Variants in BRINP1 observed in about 807,000 individuals in gnomAD.
The protein encoded by BRINP1 is BMP/retinoic acid inducible neural specific 1, also known as BMP/retinoic acid-inducible neural-specific protein 1.
In BRINP1, 17 loss-of-function variants were observed where a neutral mutation model predicts 72.9. The ratio of observed to expected loss-of-function variants is 0.23; its 90% confidence interval spans 0.16 to 0.35. BRINP1 has a LOEUF of 0.35. Ranked by LOEUF, BRINP1 falls within the 10% of genes least tolerant of loss-of-function variation. The pLI is 1.00. For synonymous variants in BRINP1, 418 were observed against 378.5 expected (o/e 1.10, Z -1.21); for missense variants, 850 against 1,001.6 (o/e 0.85, Z 2.04).
intron 7 of BRINP1, among the ~76,000 whole-genome samples, chr9:119,191,423 G>T (rs948909472): frequency 6.6e-5 from 10 of 151,722 alleles, no homozygotes; most frequent in African/African-American, 2.4e-4. Context: ...TAGAATAAAT[G>T]CATTAAATAA....
chr9:119,250,966 G>C (rs559121512), intron 2 of BRINP1, among the ~76,000 whole-genome samples: 5 of 152,292 alleles, frequency 3.3e-5, no homozygotes, highest in African/African-American at 1.2e-4. Context: ...AGAACAGTGG[G>C]GGTATCTGGC....
intron 2 of BRINP1, among the ~76,000 whole-genome samples, chr9:119,268,502 A>G (rs1830576951): frequency 6.6e-6 from 1 of 152,104 alleles, no homozygotes; most frequent in Non-Finnish European, 1.5e-5. Context: ...TAAGATCTCT[A>G]CCATGCTGCC....
At chr9:119,288,494 T>G (rs1830789766) in intron 2 of BRINP1, among the ~76,000 whole-genome samples, 2 of 151,438 alleles carry the variant, frequency 1.3e-5, no homozygotes, top group East Asian at 3.9e-4. Flanking sequence ...TGAGAAAGAG[T>G]GGGAAAGAGT....
intron 7 of BRINP1, among the ~76,000 whole-genome samples, chr9:119,169,994 C>CAAAG (rs917531154): frequency 5.9e-5 from 9 of 152,162 alleles, no homozygotes; most frequent in South Asian, 2.1e-4. Flanking sequence ...TCACCATCAT[C>CAAAG]AAAGACCAAA....
chr9:119,305,855 A>G (rs1386219031), intron 2 of BRINP1, among the ~76,000 whole-genome samples: 1 of 152,202 alleles, frequency 6.6e-6, no homozygotes, highest in African/African-American at 2.4e-5. Context: ...CCCAGGAAAC[A>G]GTGCAGGGCC....
In BRINP1 at chr9:119,307,099, G is replaced by T. The variant is rs528212333; in HGVS notation, c.218+6039C>A. Among the ~76,000 whole-genome samples, 60 of 151,516 alleles carry T rather than the reference G, an allele frequency of 4.0e-4. 1 individual carries two copies. The South Asian group carries it at 7.5e-3, about 19-fold the overall frequency. ...GCTGGAGAAGGCTATCCTATGCATTGTAAGGTATTTAGCGGCATCCCAGAT... is the reference window on the plus strand; with the variant it reads ...GCTGGAGAAGGCTATCCTATGCATTTTAAGGTATTTAGCGGCATCCCAGAT... On this transcript the variant is annotated intron_variant, in intron 2 of 7. Coordinates refer to ENST00000265922, the MANE Select transcript of BRINP1 (RefSeq NM_014618.3).
At chr9:119,275,227 T>C (rs1459718430) in intron 2 of BRINP1, among the ~76,000 whole-genome samples, 1 of 152,204 alleles carries the variant, frequency 6.6e-6, no homozygotes, top group Non-Finnish European at 1.5e-5. Flanking sequence ...TAAAAGCCCA[T>C]GTTCAAATGA....
chr9:119,234,110 T>C (rs1830171410), intron 5 of BRINP1, among the ~76,000 whole-genome samples: 1 of 152,318 alleles, frequency 6.6e-6, no homozygotes, highest in African/African-American at 2.4e-5. Context: ...TGAACATTTA[T>C]GTCTTCTGGT....
At chr9:119,313,002 CA>C (rs1389262290) in intron 2 of BRINP1, 135 bp downstream of exon 2, 1 of 1,001,810 alleles carries the variant, frequency 1.0e-6, no homozygotes, top group Non-Finnish European at 1.4e-6. Context: ...AAAAATTAAT[CA>C]AAAACAGCTT....
chr9:119,183,676 ATAT>A (rs1391786636), intron 7 of BRINP1, among the ~76,000 whole-genome samples: 1 of 152,236 alleles, frequency 6.6e-6, no homozygotes, highest in Non-Finnish European at 1.5e-5. Flanking sequence ...AATCAGAATG[ATAT>A]TAATAAGGCA....
Position 119,166,714 on chromosome 9 carries a change from A to T in BRINP1, c.*370T>A, listed in dbSNP as rs772917841. 1.7e-5 allele frequency: 3 copies of T among 172,462 alleles called. No homozygotes were observed. Among genetic ancestry groups the T allele is most frequent in the Non-Finnish European group, 3.7e-5 (3 of 81,316 alleles). 10.7% of individuals were successfully genotyped at this position (172,462 alleles called of 1,614,324 possible). On this transcript the variant is annotated 3_prime_UTR_variant, in exon 8 of 8. Coordinates refer to ENST00000265922, the MANE Select transcript of BRINP1 (RefSeq NM_014618.3). ...TGGCAGTGTCAGTTGTACATTACAT[A>T]TATCTCTCTTTCTTTTTAGTGTTTA...
At chr9:119,245,002 T>C (rs942408222) in intron 3 of BRINP1, among the ~76,000 whole-genome samples, 1 of 152,198 alleles carries the variant, frequency 6.6e-6, no homozygotes, top group Admixed American at 6.5e-5. Context: ...ACTTTAGCCC[T>C]CTGGGACATA....
intron 2 of BRINP1, among the ~76,000 whole-genome samples, chr9:119,266,583 A>C (rs1830550303): frequency 1.3e-5 from 2 of 152,318 alleles, no homozygotes; most frequent in South Asian, 4.1e-4. Flanking sequence ...ACTTCACCAC[A>C]CTGTGAAACA....
chr9:119,169,136 C>T (rs1293794257), intron 7 of BRINP1, among the ~76,000 whole-genome samples: 3 of 152,192 alleles, frequency 2.0e-5, no homozygotes, highest in Non-Finnish European at 4.4e-5. Flanking sequence ...GCCAAGATGG[C>T]CTAATAGGAA....
chr9:119,279,355 C>T (rs751474415), intron 2 of BRINP1, among the ~76,000 whole-genome samples: 4 of 149,252 alleles, frequency 2.7e-5, no homozygotes, highest in Non-Finnish European at 4.6e-5. Flanking sequence ...CGCCAGGGCA[C>T]CTGCCCACGC....
chr9:119,352,552 T>G (rs1344615333), intron 1 of BRINP1, among the ~76,000 whole-genome samples: 1 of 152,054 alleles, frequency 6.6e-6, no homozygotes, highest in Non-Finnish European at 1.5e-5. Flanking sequence ...GAATTACAGA[T>G]GTGCACCACC....
At chr9:119,279,983 A>C (rs961498045) in intron 2 of BRINP1, among the ~76,000 whole-genome samples, 1 of 152,150 alleles carries the variant, frequency 6.6e-6, no homozygotes, top group Non-Finnish European at 1.5e-5. Flanking sequence ...AAAGAAGAAA[A>C]ATGCTATATG....
intron 1 of BRINP1, among the ~76,000 whole-genome samples, chr9:119,353,403 A>C (rs902517988): frequency 2.6e-5 from 4 of 152,214 alleles, no homozygotes; most frequent in African/African-American, 9.6e-5. Flanking sequence ...ATCCAGTGAT[A>C]TATGAATGAT....
At chr9:119,349,065 C>T (rs1831477077) in intron 1 of BRINP1, among the ~76,000 whole-genome samples, 1 of 152,068 alleles carries the variant, frequency 6.6e-6, no homozygotes. Context: ...AAGACTTGAA[C>T]CCAAGTCTTC....
Sources: allele counts gnomAD v4.1 joint callset (sites outside exome capture counted in the v4.1 genomes callset), GRCh38; gene constraint gnomAD v4.1.1; transcripts MANE v1.5; gene names NCBI Gene and HGNC (gene_info 2026-07-23, HGNC 2026-07-21).